HNMT: variants seen among roughly 807,000 people sequenced by gnomAD.
HNMT encodes the protein histamine N-methyltransferase.
HNMT carries 30 observed loss-of-function variants against 32.1 expected under a neutral mutation model. The ratio of observed to expected loss-of-function variants is 0.93; its 90% CI spans 0.70 to 1.27. HNMT has a LOEUF of 1.27. HNMT is among the 50% of genes most tolerant of loss of function. HNMT has a pLI of 0.00. For synonymous variants in HNMT, 125 were observed against 119.0 expected (o/e 1.05, Z -0.33); for missense variants, 327 against 346.0 (o/e 0.95, Z 0.43).
chr2:137,996,822 A>T (rs191696561), intron 2 of HNMT, among the ~76,000 whole-genome samples: 3 of 152,282 alleles, frequency 2.0e-5, no homozygotes, highest in East Asian at 1.9e-4. Flanking sequence ...ACCAAAACAG[A>T]TATATAGACC....
At chr2:138,008,520 A>G (rs1353320710) in intron 5 of HNMT, among the ~76,000 whole-genome samples, 1 of 151,882 alleles carries the variant, frequency 6.6e-6, no homozygotes, top group Non-Finnish European at 1.5e-5. Context: ...TAGGTTTCCA[A>G]ACCATACTAT....
At chr2:137,975,908 A>AT (rs1227754645) in intron 2 of HNMT, among the ~76,000 whole-genome samples, 1 of 152,198 alleles carries the variant, frequency 6.6e-6, no homozygotes, top group East Asian at 1.9e-4. Context: ...TGGGCAAACA[A>AT]TAGAATATTT....
At chr2:137,988,541 T>C (rs1573658937) in intron 2 of HNMT, 1 of 126,122 alleles carries the variant, frequency 7.9e-6, no homozygotes, top group South Asian at 2.7e-4. Context: ...ATCTGAACTA[T>C]TGACCCCCCT....
intron 2 of HNMT, among the ~76,000 whole-genome samples, chr2:137,983,594 C>G (rs1010963370): frequency 2.6e-5 from 4 of 152,136 alleles, no homozygotes; most frequent in African/African-American, 4.8e-5. Context: ...ACAGGATACA[C>G]TCCAAGGAAA....
At chr2:137,994,826 A>G (rs1293193104) in intron 2 of HNMT, among the ~76,000 whole-genome samples, 1 of 152,242 alleles carries the variant, frequency 6.6e-6, no homozygotes, top group African/African-American at 2.4e-5. Context: ...CTCTCAGACC[A>G]CAGTGCAATC....
chr2:137,987,931 C>T lies in HNMT; in HGVS notation c.191-12987C>T, dbSNP rs1680697040. ...TGCTTCTGGGCTCTGTGGGAAAGAC[C>T]ACTAAGATTACCAGCTATGAGTGGT... On this transcript the variant is annotated intron_variant, in intron 2 of 5. Coordinates refer to ENST00000280097, the MANE Select transcript of HNMT (RefSeq NM_006895.3). 2.6e-5 allele frequency among the ~76,000 whole-genome samples: 4 copies of T among 152,108 alleles called. No individual in the cohort carries two copies. In the South Asian group the frequency reaches 8.3e-4, roughly 32 times the overall value.
chr2:137,999,559 C>T (rs1558743755), intron 2 of HNMT, among the ~76,000 whole-genome samples: 1 of 152,160 alleles, frequency 6.6e-6, no homozygotes, highest in African/African-American at 2.4e-5. Context: ...AGTCTTATGA[C>T]CTCTGCTTTT....
intron 2 of HNMT, among the ~76,000 whole-genome samples, chr2:137,972,384 G>A (rs1357244368): frequency 6.6e-6 from 1 of 152,082 alleles, no homozygotes; most frequent in Non-Finnish European, 1.5e-5. Context: ...GAGATTACAG[G>A]CATGAGCCAC....
intron 2 of HNMT, among the ~76,000 whole-genome samples, chr2:137,994,977 A>G (rs943322397): frequency 1.3e-4 from 20 of 152,318 alleles, no homozygotes; most frequent in Middle Eastern, 3.4e-3. Flanking sequence ...ACAAGAACAA[A>G]GAGACAACAT....
chr2:137,977,454 T>C (rs1331662645), intron 2 of HNMT, among the ~76,000 whole-genome samples: 5 of 152,140 alleles, frequency 3.3e-5, no homozygotes, highest in East Asian at 3.9e-4. Context: ...TAATAATATA[T>C]GCCTGAAGGG....
chr2:138,014,179 A>G lies in HNMT; in HGVS notation c.*49A>G, dbSNP rs1351749422. ...AAAAATTATATTTTGAACAACTCGA[A>G]TCACTCATTTATTTCCATATTAAAA... On this transcript the variant is annotated 3_prime_UTR_variant, in exon 6 of 6. Transcript: ENST00000280097. 8.6e-7 allele frequency: 1 copy of G among 1,156,988 alleles called. No homozygotes were observed. The highest frequency in any genetic ancestry group is 1.2e-6 in the Non-Finnish European group (1 of 809,642). 71.7% of individuals were successfully genotyped at this position (1,156,988 alleles called of 1,614,324 possible).
In HNMT at chr2:138,012,042, C is replaced by T. The variant is rs200408039; in HGVS notation, c.524-1733C>T. Among the ~76,000 whole-genome samples, 6 of 152,086 alleles carry T rather than the reference C, an allele frequency of 3.9e-5. No individual in the cohort carries two copies. The South Asian group carries it at 1.0e-3, about 26-fold the overall frequency. On this transcript the variant is annotated intron_variant, in intron 5 of 5. Transcript: ENST00000280097. ...ATTAGAAGGCCCATAAATAGAAACT[C>T]ATTATTATTATTATAGATTTCTGAA...
chr2:137,970,787 G>A (rs757349073), intron 2 of HNMT, among the ~76,000 whole-genome samples: 20 of 151,948 alleles, frequency 1.3e-4, no homozygotes, highest in Non-Finnish European at 2.8e-4. Flanking sequence ...AAGCGTGGTG[G>A]CAGACGCCTG....
At chr2:137,967,506 T>G (rs1022274391) in intron 1 of HNMT, 2 of 170,890 alleles carry the variant, frequency 1.2e-5, no homozygotes, top group African/African-American at 4.7e-5. Context: ...TTTTGAACTT[T>G]TTAGAATCTT....
intron 2 of HNMT, among the ~76,000 whole-genome samples, chr2:137,978,929 A>G (rs551890126): frequency 7.1e-6 from 1 of 140,356 alleles, no homozygotes. Context: ...AATAGGTAGT[A>G]TACATAAAAT....
At chr2:138,010,357 G>A (rs1161876111) in intron 5 of HNMT, among the ~76,000 whole-genome samples, 1 of 151,266 alleles carries the variant, frequency 6.6e-6, no homozygotes, top group South Asian at 2.1e-4. Context: ...CTGACTTGAC[G>A]AAATCAGAGA....
At chr2:138,005,552 T>C (rs889428847) in intron 5 of HNMT, among the ~76,000 whole-genome samples, 1 of 152,094 alleles carries the variant, frequency 6.6e-6, no homozygotes, top group African/African-American at 2.4e-5. Context: ...ACATTTATTT[T>C]ACCTACTTCG....
chr2:137,987,765 C>T (rs772072660), intron 2 of HNMT, among the ~76,000 whole-genome samples: 12 of 152,058 alleles, frequency 7.9e-5, no homozygotes, highest in Non-Finnish European at 1.3e-4. Context: ...TTTTAACAAA[C>T]TTGTTGGAAG....
intron 2 of HNMT, among the ~76,000 whole-genome samples, chr2:137,973,358 C>A (rs777286304): frequency 1.6e-4 from 25 of 152,112 alleles, no homozygotes; most frequent in Non-Finnish European, 3.4e-4. Context: ...CATTACTATA[C>A]AGCAAGGAAC....
Sources: allele counts gnomAD v4.1 joint callset (sites outside exome capture counted in the v4.1 genomes callset), GRCh38; gene constraint gnomAD v4.1.1; transcripts MANE v1.5; gene names NCBI Gene and HGNC (gene_info 2026-07-23, HGNC 2026-07-21).